The following PDHX variants were observed in gnomAD, a reference collection of about 807,000 sequenced individuals.
PDHX encodes the protein pyruvate dehydrogenase complex component X.
In PDHX, 33 loss-of-function variants were observed where a neutral mutation model predicts 55.3. The ratio of observed to expected loss-of-function variants is 0.60; its 90% CI spans 0.45 to 0.80. The LOEUF is 0.80. Among genes scored for constraint, PDHX ranks in the 30% least tolerant of loss-of-function variants. The pLI, the probability that PDHX is intolerant of heterozygous loss-of-function variation, is 0.00. For missense variants in PDHX, 622 were observed against 619.9 expected (o/e 1.00, Z -0.04); for synonymous variants, 226 against 219.4 (o/e 1.03, Z -0.27).
intron 2 of PDHX, among the ~76,000 whole-genome samples, chr11:34,939,501 G>A (rs1271034788): frequency 6.8e-6 from 1 of 146,900 alleles, no homozygotes; most frequent in African/African-American, 2.7e-5. Context: ...GTGTGTGTGT[G>A]TGTGCACTTG....
chr11:34,953,684 G>A (rs1202765032), intron 3 of PDHX, among the ~76,000 whole-genome samples: 1 of 152,152 alleles, frequency 6.6e-6, no homozygotes, highest in Non-Finnish European at 1.5e-5. Flanking sequence ...ATAAATTATT[G>A]ATTTGGTAGC....
intron 2 of PDHX, among the ~76,000 whole-genome samples, chr11:34,944,913 G>A (rs1854586170): frequency 6.6e-6 from 1 of 151,986 alleles, no homozygotes; most frequent in African/African-American, 2.4e-5. Context: ...CGGATACATG[G>A]GGACTTATTT....
At chr11:34,924,543 C>CT (rs775237843) in intron 1 of PDHX, among the ~76,000 whole-genome samples, 2 of 152,098 alleles carry the variant, frequency 1.3e-5, no homozygotes, top group South Asian at 2.1e-4. Context: ...TTACAAAAAT[C>CT]TATTTATGGC....
intron 8 of PDHX, among the ~76,000 whole-genome samples, chr11:34,984,143 A>G (rs1347485727): frequency 6.6e-6 from 1 of 152,194 alleles, no homozygotes; most frequent in Non-Finnish European, 1.5e-5. Flanking sequence ...CTGCTGATAT[A>G]TATCCCAGAG....
intron 9 of PDHX, among the ~76,000 whole-genome samples, chr11:34,985,523 A>G (rs951236456): frequency 6.6e-6 from 1 of 152,208 alleles, no homozygotes. Context: ...TGTAACTCCA[A>G]TGTGTAGGAA....
At chr11:34,951,372 T>C (rs1854765383) in intron 3 of PDHX, among the ~76,000 whole-genome samples, 1 of 152,194 alleles carries the variant, frequency 6.6e-6, no homozygotes, top group African/African-American at 2.4e-5. Flanking sequence ...TTCCTGACTT[T>C]TTAATGATCG....
chr11:34,980,341 T>A (rs1180678638), intron 8 of PDHX, among the ~76,000 whole-genome samples: 1 of 137,560 alleles, frequency 7.3e-6, no homozygotes, highest in Non-Finnish European at 1.6e-5. Context: ...TAATAAGGTT[T>A]AAGATAGTTT....
intron 3 of PDHX, among the ~76,000 whole-genome samples, chr11:34,948,071 G>T (rs904639983): frequency 3.9e-5 from 6 of 152,132 alleles, no homozygotes; most frequent in African/African-American, 7.2e-5. Context: ...TATTAGTTAC[G>T]TAATGATAAG....
intron 1 of PDHX, among the ~76,000 whole-genome samples, chr11:34,924,320 C>T (rs1474357807): frequency 6.6e-6 from 1 of 152,186 alleles, no homozygotes; most frequent in Non-Finnish European, 1.5e-5. Context: ...CGGCTCACTG[C>T]AACCTCTGCC....
chr11:34,983,796 C>T (rs1331717543), intron 8 of PDHX, among the ~76,000 whole-genome samples: 3 of 152,178 alleles, frequency 2.0e-5, no homozygotes, highest in Non-Finnish European at 2.9e-5. Context: ...AATGGAAGAA[C>T]ATTCCATGGT....
At chr11:34,961,455 T>C (rs1414582854) in intron 5 of PDHX, among the ~76,000 whole-genome samples, 1 of 152,024 alleles carries the variant, frequency 6.6e-6, no homozygotes, top group Non-Finnish European at 1.5e-5. Flanking sequence ...TCAAATTGAG[T>C]TTATGTTTTA....
At chr11:34,947,744 G>A (rs541327759) in intron 3 of PDHX, 138 bp downstream of exon 3, 12 of 667,744 alleles carry the variant, frequency 1.8e-5, no homozygotes, top group Non-Finnish European at 3.2e-5. Context: ...TTTAGTTCAA[G>A]TGTTTAAAAT....
intron 2 of PDHX, among the ~76,000 whole-genome samples, chr11:34,947,082 T>G (rs889727634): frequency 6.6e-6 from 1 of 152,236 alleles, no homozygotes; most frequent in African/African-American, 2.4e-5. Context: ...GAACTTGCCC[T>G]AAGATGTGAA....
upstream of PDHX, chr11:34,916,359 A>G (rs1454131912): frequency 6.3e-7 from 1 of 1,575,582 alleles, no homozygotes; most frequent in Non-Finnish European, 8.6e-7. Context: ...GGGATACGGC[A>G]GCGAGGCCGC....
chr11:34,991,903 T>C (rs2477157), intron 9 of PDHX, among the ~76,000 whole-genome samples: 88,109 of 132,040 alleles, frequency 0.67, 29,038 homozygotes, highest in East Asian at 0.77. Flanking sequence ...GAGTGAGACT[T>C]CTCAAAAAAA....
At chr11:34,941,897 C>T (rs1030024806) in intron 2 of PDHX, 4 of 154,120 alleles carry the variant, frequency 2.6e-5, no homozygotes, top group African/African-American at 9.6e-5. Context: ...CCTCCTGGGG[C>T]CCGCACTCTC....
intron 1 of PDHX, among the ~76,000 whole-genome samples, chr11:34,927,613 T>A (rs1854055148): frequency 6.6e-6 from 1 of 152,044 alleles, no homozygotes; most frequent in Admixed American, 6.6e-5. Flanking sequence ...GAAAAATACG[T>A]CTGGAAAAGA....
chr11:34,945,563 C>T (rs1234121010), intron 2 of PDHX, among the ~76,000 whole-genome samples: 1 of 152,074 alleles, frequency 6.6e-6, no homozygotes, highest in East Asian at 1.9e-4. Flanking sequence ...GTTTTCTGAC[C>T]TCTGTTGCAG....
rs568410231 is a variant in PDHX, at chr11:34,934,995, ATC to A, written c.241+3515_241+3516del. ...AAATACTTACGAATAAAATGACAGTATCTCTGGGATTAGCTTCAGAATAACCC... is the reference window on the plus strand; with the variant it reads ...AAATACTTACGAATAAAATGACAGTATCTGGGATTAGCTTCAGAATAACCC... On this transcript the variant is annotated intron_variant, in intron 2 of 10. Transcript: ENST00000227868. Among the ~76,000 whole-genome samples the A allele has an allele frequency of 5.3e-5, 8 of 152,164 alleles. No homozygotes were observed. In the East Asian group the frequency reaches 1.5e-3, roughly 29 times the overall value.
Sources: gnomAD v4.1 joint callset for allele counts (sites outside exome capture counted in the v4.1 genomes callset) on GRCh38, gnomAD v4.1.1 for gene constraint, MANE v1.5 for transcripts, NCBI Gene and HGNC (gene_info 2026-07-23, HGNC 2026-07-21) for gene names.